AFF3: variants seen among roughly 807,000 people sequenced by gnomAD.
AFF3 encodes ALF transcription elongation factor 3.
A neutral mutation model predicts 129.7 loss-of-function variants in AFF3; 32 were observed. That is an observed-to-expected ratio of 0.25 (90% CI 0.19 to 0.33). AFF3 has a LOEUF of 0.33. Ranked by LOEUF, AFF3 falls within the 10% of genes least tolerant of loss-of-function variation. AFF3 has a pLI of 1.00. For synonymous variants in AFF3, 644 were observed against 635.4 expected, an observed-to-expected ratio of 1.01 and a Z score of -0.20; for missense variants, 1,373 against 1,592.0, an observed-to-expected ratio of 0.86 and a Z score of 2.34.
At chr2:99,629,422 G>T (rs1682920541) in intron 13 of AFF3, among the ~76,000 whole-genome samples, 1 of 152,138 alleles carries the variant, frequency 6.6e-6, no homozygotes, top group Non-Finnish European at 1.5e-5. Flanking sequence ...TGTCACAGAA[G>T]AACAAAATAC....
chr2:99,672,719 A>G (rs1687272964), intron 11 of AFF3, 130 bp from the exon 12 acceptor site: 4 of 874,340 alleles, frequency 4.6e-6, no homozygotes, highest in Non-Finnish European at 7.1e-6. Context: ...TTGATTTCCT[A>G]TTTTTTTTCT....
intron 13 of AFF3, among the ~76,000 whole-genome samples, chr2:99,648,909 A>ACTCTCT (rs1553416890): frequency 1.9e-4 from 8 of 43,080 alleles, no homozygotes; most frequent in Non-Finnish European, 2.6e-4. Context: ...ACACACACAC[A>ACTCTCT]CACACACACT....
chr2:100,064,829 TTC>T (rs1687588450), intron 4 of AFF3, among the ~76,000 whole-genome samples: 3 of 152,252 alleles, frequency 2.0e-5, no homozygotes, highest in South Asian at 4.1e-4. Flanking sequence ...ATCTACGCTG[TTC>T]TCTTTTTTAT....
chr2:100,068,011 AT>A (rs1444927516), intron 4 of AFF3, among the ~76,000 whole-genome samples: 2 of 152,226 alleles, frequency 1.3e-5, no homozygotes, highest in African/African-American at 4.8e-5. Context: ...AGGAGAAAAA[AT>A]ATGTTTGCTT....
chr2:99,627,997 G>A (rs1034924499), intron 13 of AFF3, among the ~76,000 whole-genome samples: 3 of 152,098 alleles, frequency 2.0e-5, no homozygotes, highest in African/African-American at 7.2e-5. Context: ...TGGGTAGTAC[G>A]ATGCCTCCAG....
intron 4 of AFF3, among the ~76,000 whole-genome samples, chr2:100,039,625 G>A (rs995893223): frequency 2.6e-5 from 4 of 151,978 alleles, no homozygotes; most frequent in Non-Finnish European, 5.9e-5. Flanking sequence ...AGCTCTACCC[G>A]TTAATCTTCT....
At chr2:100,040,099 G>C (rs1191022720) in intron 4 of AFF3, among the ~76,000 whole-genome samples, 1 of 152,134 alleles carries the variant, frequency 6.6e-6, no homozygotes, top group African/African-American at 2.4e-5. Flanking sequence ...TTCCTCACTG[G>C]AATTTCATCA....
intron 2 of AFF3, among the ~76,000 whole-genome samples, chr2:100,110,917 C>T (rs1205179605): frequency 1.3e-5 from 2 of 152,158 alleles, no homozygotes; most frequent in Non-Finnish European, 2.9e-5. Context: ...ATAAGACACC[C>T]GTTTATGTCA....
At position 100,075,299 on chromosome 2, in the gene AFF3, A is replaced by G. The variant is rs570031731; in HGVS notation, c.53+29103T>C. 3.3e-5 allele frequency among the ~76,000 whole-genome samples: 5 copies of G among 152,236 alleles called. No individual in the cohort carries two copies. In the East Asian group the frequency reaches 7.7e-4, roughly 24 times the overall value. On this transcript the variant is annotated intron_variant, in intron 4 of 24. Transcript: ENST00000672756. ...AACTCTCTTAAGAAACACCATGATC[A>G]GTGTCTTCATTTAGCAAAGACGTCT...
chr2:99,953,383 G>A (rs1393191746), intron 7 of AFF3, among the ~76,000 whole-genome samples: 7 of 152,140 alleles, frequency 4.6e-5, no homozygotes, highest in African/African-American at 1.7e-4. Flanking sequence ...TTGAGAAAGC[G>A]TCTAGGACAG....
intron 11 of AFF3, among the ~76,000 whole-genome samples, chr2:99,726,637 T>C (rs747386981): frequency 6.6e-5 from 10 of 152,236 alleles, no homozygotes; most frequent in Non-Finnish European, 1.5e-4. Context: ...AAAGAAACTC[T>C]TGAGATTCCA....
chr2:99,992,936 G>T (rs1010575639), intron 7 of AFF3, among the ~76,000 whole-genome samples: 2 of 152,210 alleles, frequency 1.3e-5, no homozygotes, highest in African/African-American at 4.8e-5. Flanking sequence ...CCAGTACGGT[G>T]TGAGAAAAAG....
chr2:99,595,395 G>A (rs988038165), intron 14 of AFF3, among the ~76,000 whole-genome samples: 1 of 152,196 alleles, frequency 6.6e-6, no homozygotes. Flanking sequence ...TCCACCTTTC[G>A]AATTCGTGGC....
intron 24 of AFF3, among the ~76,000 whole-genome samples, chr2:99,553,126 G>A (rs995974767): frequency 6.6e-6 from 1 of 152,172 alleles, no homozygotes; most frequent in Middle Eastern, 3.4e-3. Flanking sequence ...CAGTAGAGAC[G>A]GGGTTTCTCC....
intron 7 of AFF3, among the ~76,000 whole-genome samples, chr2:99,931,947 A>C (rs1287489089): frequency 2.0e-5 from 3 of 152,242 alleles, no homozygotes; most frequent in African/African-American, 7.2e-5. Flanking sequence ...AAGTGAAAGT[A>C]ATCTGCATTG....
Position 99,554,422 on chromosome 2 carries a change from T to G in AFF3, c.3448A>C (p.Ile1150Leu). The G allele has an allele frequency of 6.2e-7, 1 of 1,614,134 alleles. No homozygotes were observed. Among genetic ancestry groups the G allele is most frequent in the Non-Finnish European group, 8.5e-7 (1 of 1,180,022 alleles). The change falls in exon 24 of 25, where the codon ATC becomes CTC. Residue 1150 changes from isoleucine to leucine, a missense_variant. This residue lies in a region of AFF3 where 165 missense variants were observed against 234.0 expected (regional missense o/e 0.71). Transcript: ENST00000672756. ...GCCATCTGGTGGATGCGCTGTGGGATGCTGACGATGGTCGACGGGGACAGG... is the reference window on the plus strand; with the variant it reads ...GCCATCTGGTGGATGCGCTGTGGGAGGCTGACGATGGTCGACGGGGACAGG... Reference protein sequence around the residue: ...SALSPSTIVSIPQRIHQMAAN... With the variant: ...SALSPSTIVSLPQRIHQMAAN...
chr2:99,623,411 C>A (rs1183996919), intron 13 of AFF3, among the ~76,000 whole-genome samples: 1 of 152,166 alleles, frequency 6.6e-6, no homozygotes, highest in East Asian at 1.9e-4. Context: ...TTGCTGGGCA[C>A]TGGAATACTC....
At chr2:99,575,628 T>A (rs952288742) in intron 18 of AFF3, among the ~76,000 whole-genome samples, 1 of 152,290 alleles carries the variant, frequency 6.6e-6, no homozygotes, top group Non-Finnish European at 1.5e-5. Flanking sequence ...AGTGGCTGTT[T>A]GAGTTGCATG....
At chr2:99,674,884 T>C (rs1687473426) in intron 11 of AFF3, among the ~76,000 whole-genome samples, 1 of 152,210 alleles carries the variant, frequency 6.6e-6, no homozygotes, top group African/African-American at 2.4e-5. Flanking sequence ...AATGCTGCTG[T>C]GTGAGGCTCT....
Sources: gnomAD v4.1 joint callset for allele counts (sites outside exome capture counted in the v4.1 genomes callset) on GRCh38, gnomAD v4.1.1 for gene constraint, gnomAD v4.1.1 regional missense constraint, MANE v1.5 for transcripts, NCBI Gene and HGNC (gene_info 2026-07-23, HGNC 2026-07-21) for gene names.